Variants in GPC5 observed in about 807,000 individuals in gnomAD.
The protein encoded by GPC5 is glypican 5, also known as glypican-5.
Under a neutral mutation model 53.9 loss-of-function variants are expected in GPC5, and 47 were observed. The ratio of observed to expected loss-of-function variants is 0.87; its 90% confidence interval spans 0.69 to 1.11. GPC5 has a LOEUF of 1.11. Among genes scored for constraint, GPC5 ranks in the 50% most tolerant of loss-of-function variants. The pLI is 0.00. For missense variants in GPC5, 748 were observed against 713.1 expected, an observed-to-expected ratio of 1.05 and a Z score of -0.56; for synonymous variants, 286 against 263.3, an observed-to-expected ratio of 1.09 and a Z score of -0.84.
At chr13:91,999,015 A>G (rs1201966705) in intron 6 of GPC5, among the ~76,000 whole-genome samples, 3 of 152,170 alleles carry the variant, frequency 2.0e-5, no homozygotes, top group Non-Finnish European at 4.4e-5. Context: ...ATTCTAGCTC[A>G]ATAGGCTTTG....
intron 7 of GPC5, among the ~76,000 whole-genome samples, chr13:92,862,410 CTTCA>C (rs1314429525): frequency 1.3e-5 from 2 of 152,188 alleles, no homozygotes; most frequent in African/African-American, 4.8e-5. Context: ...ATTATTTTGA[CTTCA>C]TTATTAACTT....
At chr13:91,975,154 A>C in intron 6 of GPC5, among the ~76,000 whole-genome samples, 1 of 152,154 alleles carries the variant, frequency 6.6e-6, no homozygotes, top group Admixed American at 6.5e-5. Flanking sequence ...TTAGACCTAA[A>C]ACCATAAAAA....
intron 5 of GPC5, among the ~76,000 whole-genome samples, chr13:91,854,293 G>C: frequency 6.6e-6 from 1 of 151,626 alleles, no homozygotes; most frequent in East Asian, 1.9e-4. Context: ...TATTTATGGG[G>C]TATAGGAGAT....
chr13:92,565,979 A>G (rs888494155), intron 7 of GPC5, among the ~76,000 whole-genome samples: 23 of 152,104 alleles, frequency 1.5e-4, no homozygotes, highest in Admixed American at 6.6e-5. Flanking sequence ...AGTATTGTTT[A>G]TGAAGTCAAA....
At chr13:91,574,682 C>T (rs2032069248) in intron 2 of GPC5, among the ~76,000 whole-genome samples, 1 of 152,038 alleles carries the variant, frequency 6.6e-6, no homozygotes, top group South Asian at 2.1e-4. Context: ...AGGTGGTCAT[C>T]ACTTGATTTT....
chr13:92,250,768 T>G (rs570231337), intron 7 of GPC5, among the ~76,000 whole-genome samples: 1 of 152,190 alleles, frequency 6.6e-6, no homozygotes, highest in South Asian at 2.1e-4. Context: ...TATAATTGGA[T>G]TTTCAGGGTT....
intron 6 of GPC5, among the ~76,000 whole-genome samples, chr13:91,946,171 G>GA (rs1398431073): frequency 6.6e-6 from 1 of 152,064 alleles, no homozygotes; most frequent in Non-Finnish European, 1.5e-5. Flanking sequence ...TACTGTTCGT[G>GA]ACAGTCTGTT....
chr13:91,783,296 A>T (rs1435500416), intron 5 of GPC5, among the ~76,000 whole-genome samples: 2 of 152,106 alleles, frequency 1.3e-5, no homozygotes, highest in Non-Finnish European at 2.9e-5. Flanking sequence ...TTTGAAGACA[A>T]AATTGAGAGA....
intron 7 of GPC5, among the ~76,000 whole-genome samples, chr13:92,619,580 T>C (rs543731185): frequency 5.8e-4 from 88 of 152,072 alleles, no homozygotes; most frequent in African/African-American, 1.9e-3. Context: ...TAATTTCAGT[T>C]TGATAGTACA....
At chr13:91,469,921 T>C (rs1465525946) in intron 2 of GPC5, among the ~76,000 whole-genome samples, 1 of 152,124 alleles carries the variant, frequency 6.6e-6, no homozygotes, top group African/African-American at 2.4e-5. Context: ...GTGCCTGTAA[T>C]TCCAGCTTCT....
intron 2 of GPC5, among the ~76,000 whole-genome samples, chr13:91,548,245 A>T (rs929159480): frequency 1.3e-5 from 2 of 152,190 alleles, no homozygotes; most frequent in African/African-American, 4.8e-5. Flanking sequence ...AACACCTGGA[A>T]CTAATAATCA....
At chr13:92,612,795 T>A (rs1265923493) in intron 7 of GPC5, among the ~76,000 whole-genome samples, 1 of 152,120 alleles carries the variant, frequency 6.6e-6, no homozygotes, top group Non-Finnish European at 1.5e-5. Context: ...ATTACAAAAA[T>A]GATACTCAAA....
chr13:92,326,570 T>C (rs1456610309), intron 7 of GPC5, among the ~76,000 whole-genome samples: 2 of 152,136 alleles, frequency 1.3e-5, no homozygotes, highest in Non-Finnish European at 2.9e-5. Context: ...ATCAATGGTT[T>C]GGAAAATACT....
chr13:92,495,290 A>G (rs1879929195), intron 7 of GPC5, among the ~76,000 whole-genome samples: 1 of 152,096 alleles, frequency 6.6e-6, no homozygotes, highest in Non-Finnish European at 1.5e-5. Context: ...TACTGAACTA[A>G]ATTAGTTTGG....
intron 7 of GPC5, among the ~76,000 whole-genome samples, chr13:92,418,357 G>T (rs1876409065): frequency 1.1e-5 from 1 of 93,312 alleles, no homozygotes; most frequent in African/African-American, 5.7e-5. Context: ...AAAGAGAACA[G>T]ATTATTTGCT....
At chr13:91,399,289 C>A in intron 1 of GPC5, 80 bp downstream of exon 1, 2 of 1,497,074 alleles carry the variant, frequency 1.3e-6, no homozygotes, top group African/African-American at 1.4e-5. Flanking sequence ...TGGTGGCACT[C>A]GTGGGAAGAT....
intron 5 of GPC5, among the ~76,000 whole-genome samples, chr13:91,825,091 A>G (rs958883001): frequency 6.6e-6 from 1 of 151,698 alleles, no homozygotes; most frequent in Non-Finnish European, 1.5e-5. Flanking sequence ...GAGATTTAAC[A>G]TATATTTGTT....
intron 6 of GPC5, among the ~76,000 whole-genome samples, chr13:91,934,121 T>G (rs2039847788): frequency 6.6e-6 from 1 of 152,068 alleles, no homozygotes; most frequent in Non-Finnish European, 1.5e-5. Context: ...AAAGCCACTT[T>G]TATGAAGTGG....
intron 1 of GPC5, among the ~76,000 whole-genome samples, chr13:91,428,405 G>A (rs1488143430): frequency 6.6e-6 from 1 of 152,084 alleles, no homozygotes; most frequent in Non-Finnish European, 1.5e-5. Flanking sequence ...GGTAGGCTTG[G>A]AAAAAAGCAT....
Sources: gnomAD v4.1 joint callset for allele counts (sites outside exome capture counted in the v4.1 genomes callset) on GRCh38, gnomAD v4.1.1 for gene constraint, MANE v1.5 for transcripts, NCBI Gene and HGNC (gene_info 2026-07-23, HGNC 2026-07-21) for gene names.